The following DLG2 variants were observed in gnomAD, a reference collection of about 807,000 sequenced individuals.
DLG2 encodes disks large homolog 2.
In DLG2, 45 loss-of-function variants were observed where a neutral mutation model predicts 132.5. The observed-to-expected ratio is 0.34, with a 90% confidence interval of 0.27 to 0.44. DLG2 has a LOEUF of 0.44. Among genes scored for constraint, DLG2 ranks in the 20% least tolerant of loss-of-function variants. The pLI is 1.00. For missense variants in DLG2, 1,045 were observed against 1,196.9 expected (o/e 0.87, Z 1.87); for synonymous variants, 424 against 419.6 (o/e 1.01, Z -0.13).
chr11:84,370,243 G>C (rs1339065148), intron 7 of DLG2, among the ~76,000 whole-genome samples: 2 of 151,954 alleles, frequency 1.3e-5, no homozygotes, highest in African/African-American at 4.8e-5. Context: ...AGTGGTATAG[G>C]GGGAAGTTGT....
chr11:85,506,457 T>C (rs377372953), intron 3 of DLG2, among the ~76,000 whole-genome samples: 6,200 of 134,428 alleles, frequency 0.046, no homozygotes, highest in African/African-American at 0.062. Flanking sequence ...TTATTTCTGC[T>C]TTTATTTCAT....
intron 3 of DLG2, among the ~76,000 whole-genome samples, chr11:85,476,590 A>G (rs900682578): frequency 6.6e-6 from 1 of 151,982 alleles, no homozygotes; most frequent in Non-Finnish European, 1.5e-5. Flanking sequence ...TTATATCCTT[A>G]TTTTATGAGA....
At chr11:84,961,929 G>T (rs1359028915) in intron 6 of DLG2, among the ~76,000 whole-genome samples, 4 of 152,018 alleles carry the variant, frequency 2.6e-5, no homozygotes, top group Non-Finnish European at 5.9e-5. Context: ...TCCCTCCTTA[G>T]CCCCACCCCA....
intron 6 of DLG2, among the ~76,000 whole-genome samples, chr11:84,658,402 G>T (rs2099690728): frequency 6.6e-6 from 1 of 152,124 alleles, no homozygotes; most frequent in African/African-American, 2.4e-5. Flanking sequence ...TGGGGCGTTT[G>T]AGCAGTGATT....
At chr11:84,785,467 T>C (rs2072718057) in intron 6 of DLG2, among the ~76,000 whole-genome samples, 1 of 152,094 alleles carries the variant, frequency 6.6e-6, no homozygotes, top group Non-Finnish European at 1.5e-5. Context: ...TATGATGTTG[T>C]AACCATGGAC....
At chr11:83,975,168 C>A (rs2092011772) in intron 12 of DLG2, among the ~76,000 whole-genome samples, 1 of 151,976 alleles carries the variant, frequency 6.6e-6, no homozygotes, top group African/African-American at 2.4e-5. Context: ...CTATATGTAT[C>A]ACCTTGGAAG....
At chr11:85,242,313 T>C (rs916631583) in intron 4 of DLG2, among the ~76,000 whole-genome samples, 14 of 151,972 alleles carry the variant, frequency 9.2e-5, no homozygotes, top group African/African-American at 3.4e-4. Flanking sequence ...TTTGGAACTT[T>C]TTATAAACGT....
At chr11:84,985,466 T>C (rs948679135) in intron 6 of DLG2, among the ~76,000 whole-genome samples, 3 of 152,056 alleles carry the variant, frequency 2.0e-5, no homozygotes, top group Non-Finnish European at 2.9e-5. Context: ...ACTTCTGGGA[T>C]ACAGCAAAGG....
intron 4 of DLG2, among the ~76,000 whole-genome samples, chr11:85,282,436 T>C (rs1259533974): frequency 6.6e-6 from 1 of 151,944 alleles, no homozygotes; most frequent in Non-Finnish European, 1.5e-5. Flanking sequence ...CCATCACACA[T>C]TATATGTTTG....
At chr11:85,320,702 G>T (rs2081002526) in intron 3 of DLG2, among the ~76,000 whole-genome samples, 1 of 151,774 alleles carries the variant, frequency 6.6e-6, no homozygotes, top group Non-Finnish European at 1.5e-5. Context: ...AAGAAAGGAT[G>T]AAGCAAGCCA....
intron 3 of DLG2, among the ~76,000 whole-genome samples, chr11:85,357,734 A>T (rs1382264863): frequency 2.6e-3 from 32 of 12,208 alleles, no homozygotes; most frequent in East Asian, 0.013. Context: ...ATATATATAT[A>T]TATATATATA....
chr11:84,709,319 T>A lies in DLG2; in HGVS notation c.358-174588A>T, dbSNP rs184171026. On this transcript the variant is annotated intron_variant, in intron 6 of 27. Coordinates refer to ENST00000376104, the MANE Select transcript of DLG2 (RefSeq NM_001142699.3). ...CACTCCTGAGTCTTGGGTATGAACA[T>A]GAAAAAGCTTCTTTCTAGGTTATTT... 2.0e-3 allele frequency among the ~76,000 whole-genome samples: 310 copies of A among 151,268 alleles called. 2 individuals are homozygous for A. The highest frequency in any genetic ancestry group is 6.5e-3 in the African/African-American group (264 of 40,830).
chr11:83,548,812 C>T (rs1242096672), intron 19 of DLG2, among the ~76,000 whole-genome samples: 1 of 152,086 alleles, frequency 6.6e-6, no homozygotes, highest in African/African-American at 2.4e-5. Flanking sequence ...GCAGCCTTTC[C>T]TTCTCTAAAA....
rs375243462 is a variant in DLG2 at position 83,834,679 on chromosome 11, T to C, written c.1566-909A>G. On this transcript the variant is annotated intron_variant, in intron 16 of 27. Coordinates refer to ENST00000376104, the MANE Select transcript of DLG2 (RefSeq NM_001142699.3). The stretch of plus-strand genomic sequence containing the variant: ...ATGGGCCTTCAGAGAGGACTATAAA[T>C]ACATATTTGAGGATCATCAATAAAA... 3.0e-4 allele frequency among the ~76,000 whole-genome samples: 46 copies of C among 152,286 alleles called. 1 individual carries two copies. Among genetic ancestry groups the C allele is most frequent in the African/African-American group, 1.0e-3 (42 of 41,570 alleles).
At chr11:83,631,562 T>C (rs185781618) in intron 19 of DLG2, 2 of 152,276 alleles carry the variant, frequency 1.3e-5, no homozygotes, top group East Asian at 3.9e-4. Context: ...AGAATAAAGA[T>C]CTGAATCTAA....
chr11:85,151,503 G>A (rs1441918563), intron 5 of DLG2, among the ~76,000 whole-genome samples: 1 of 151,444 alleles, frequency 6.6e-6, no homozygotes, highest in Non-Finnish European at 1.5e-5. Flanking sequence ...TACATTTTCT[G>A]TAGGCATTAT....
intron 11 of DLG2, among the ~76,000 whole-genome samples, chr11:84,059,053 A>T (rs890232974): frequency 6.6e-6 from 1 of 152,178 alleles, no homozygotes; most frequent in Admixed American, 6.5e-5. Flanking sequence ...TAAGATTAAA[A>T]ATTTATAGAA....
intron 4 of DLG2, among the ~76,000 whole-genome samples, chr11:85,172,986 C>T (rs987085333): frequency 1.3e-5 from 2 of 152,238 alleles, no homozygotes; most frequent in South Asian, 2.1e-4. Flanking sequence ...GTGACCAAAC[C>T]TATGAATGAT....
chr11:85,433,395 C>G lies in DLG2; in HGVS notation c.41-148030G>C, dbSNP rs965529104. On this transcript the variant is annotated intron_variant, in intron 3 of 27. Coordinates refer to ENST00000376104, the MANE Select transcript of DLG2 (RefSeq NM_001142699.3). The stretch of plus-strand genomic sequence containing the variant: ...GCAAATTGGATAGAGTCAAAACCCA[C>G]CAGTGTTCTGTATTCAAGAGACCCA... Among the ~76,000 whole-genome samples the G allele has an allele frequency of 2.0e-5, 3 of 152,066 alleles. 1 individual carries two copies. In the South Asian group the frequency reaches 6.2e-4, roughly 32 times the overall value.
Sources: allele counts gnomAD v4.1 joint callset (sites outside exome capture counted in the v4.1 genomes callset), GRCh38; gene constraint gnomAD v4.1.1; transcripts MANE v1.5; gene names NCBI Gene and HGNC (gene_info 2026-07-23, HGNC 2026-07-21).